The following GSK3A variants were observed in gnomAD, a reference collection of about 807,000 sequenced individuals.
GSK3A encodes glycogen synthase kinase 3 alpha, also known as glycogen synthase kinase-3 alpha.
A neutral mutation model predicts 56.6 loss-of-function variants in GSK3A; 14 were observed. That is an observed-to-expected ratio of 0.25 (90% CI 0.16 to 0.39). GSK3A has a LOEUF of 0.39. Ranked by LOEUF, GSK3A falls within the 10% of genes least tolerant of loss-of-function variation. The probability of loss-of-function intolerance (pLI) is 1.00; values close to 1 mark genes in which losing one functional copy is unlikely to be tolerated. For synonymous variants in GSK3A, 301 were observed against 285.0 expected, an observed-to-expected ratio of 1.06 and a Z score of -0.56; for missense variants, 450 against 656.0, an observed-to-expected ratio of 0.69 and a Z score of 3.43.
chr19:42,236,592 A>C lies in GSK3A; in HGVS notation c.666+14T>G, dbSNP rs756646521. On this transcript the variant is annotated intron_variant, in intron 4 of 10. Transcript: ENST00000222330. ...TTGTGGGCCTGGGTCCCAGCAGCCC[A>C]CCTGCTGGCCTACCTTGACATAGAG... The C allele has an allele frequency of 4.3e-5, 66 of 1,529,802 alleles. No individual in the cohort carries two copies. Among genetic ancestry groups the C allele is most frequent in the Non-Finnish European group, 5.9e-5 (65 of 1,103,152 alleles). The allele number at this position is 1,529,802 out of a possible 1,614,324, so 94.8% of individuals were successfully genotyped here. A position where few individuals can be genotyped will look rare whatever the true frequency, so the allele number is the denominator to read the frequency against.
intron 1 of GSK3A, 75 bp from the exon 2 acceptor site, chr19:42,240,217 G>A (rs781091592): frequency 3.6e-6 from 5 of 1,381,868 alleles, no homozygotes; most frequent in South Asian, 1.2e-5. Flanking sequence ...GCTGTGGGAG[G>A]AAGGGAAATC....
intron 2 of GSK3A, 68 bp downstream of exon 2, chr19:42,239,887 T>C (rs1197999614): frequency 1.5e-6 from 2 of 1,333,256 alleles, no homozygotes; most frequent in Admixed American, 3.6e-5. Flanking sequence ...TCCAGCTCTC[T>C]GGCTCAGGTT....
intron 1 of GSK3A, chr19:42,240,509 C>A: frequency 2.3e-6 from 1 of 425,694 alleles, no homozygotes; most frequent in Non-Finnish European, 4.2e-6. Context: ...TCTGGCCCCT[C>A]CTATTTGGAG....
In GSK3A at chr19:42,231,917, A is replaced by G. The variant is rs1389091604; in HGVS notation, c.1378+140T>C. The G allele has an allele frequency of 5.2e-6, 3 of 578,454 alleles. No individual in the cohort carries two copies. The East Asian group carries it at 9.4e-5, about 18-fold the overall frequency. The allele number at this position is 578,454 out of a possible 1,614,324, so 35.8% of individuals were successfully genotyped here. A position where few individuals can be genotyped will look rare whatever the true frequency, so the allele number is the denominator to read the frequency against. On this transcript the variant is annotated intron_variant, in intron 10 of 10. Transcript: ENST00000222330. ...ATACCCTCTAAAGGTGGTCATTCACATGTTGTAAGATGTGTTTCCTATGCC... is the reference window on the plus strand; with the variant it reads ...ATACCCTCTAAAGGTGGTCATTCACGTGTTGTAAGATGTGTTTCCTATGCC...
rs2036216122 is a variant in GSK3A, at chr19:42,230,516, T to A, written c.*278A>T. The A allele has an allele frequency of 2.3e-6, 1 of 438,390 alleles. No homozygotes were observed. Among genetic ancestry groups the A allele is most frequent in the Admixed American group, 4.2e-5 (1 of 23,778 alleles). 27.2% of individuals were successfully genotyped at this position (438,390 alleles called of 1,614,324 possible). On this transcript the variant is annotated 3_prime_UTR_variant, in exon 11 of 11. Transcript: ENST00000222330. ...GGAGGGGGTCTGGAGGAGGTGGAGGTCTGGGGGAGGGGAGGGGGCCAAGGG... is the reference window on the plus strand; with the variant it reads ...GGAGGGGGTCTGGAGGAGGTGGAGGACTGGGGGAGGGGAGGGGGCCAAGGG...
Position 42,242,553 on chromosome 19 carries a change from G to T in GSK3A, c.-88C>A, listed in dbSNP as rs1451004418. On this transcript the variant is annotated 5_prime_UTR_variant, in exon 1 of 11. Transcript: ENST00000222330. ...CTGCCGCCGCCTCCCCCGGGCCCTG[G>T]CCTCTTCCAGGCCGCGCCGCTCTGG... 3 of 937,696 alleles carry T rather than the reference G, an allele frequency of 3.2e-6. No individual in the cohort carries two copies. The highest frequency in any genetic ancestry group is 1.0e-4 in the East Asian group (1 of 9,888). The allele number at this position is 937,696 out of a possible 1,614,324, so 58.1% of individuals were successfully genotyped here.
At chr19:42,242,017 G>T (rs1424067320) in intron 1 of GSK3A, 166 bp downstream of exon 1, 4 of 484,128 alleles carry the variant, frequency 8.3e-6, no homozygotes, top group Non-Finnish European at 1.3e-5. Context: ...CCAAGAGATG[G>T]TAACCCCAAG....
intron 1 of GSK3A, 93 bp from the exon 2 acceptor site, chr19:42,240,235 G>A (rs769994482): frequency 2.8e-5 from 34 of 1,199,584 alleles, no homozygotes; most frequent in Middle Eastern, 3.9e-4. Context: ...ATCTCTGCAG[G>A]AAGCTCGTTG....
At chr19:42,233,838 C>T (rs533619931) in intron 6 of GSK3A, among the ~76,000 whole-genome samples, 1 of 152,288 alleles carries the variant, frequency 6.6e-6, no homozygotes, top group African/African-American at 2.4e-5. Context: ...AGCACGAGTT[C>T]ATACCTAAGG....
At chr19:42,237,492 C>T (rs941808219) in intron 2 of GSK3A, among the ~76,000 whole-genome samples, 4 of 151,786 alleles carry the variant, frequency 2.6e-5, no homozygotes, top group Admixed American at 2.0e-4. Flanking sequence ...CCAGCCACCC[C>T]ACTTAAAAAA....
intron 10 of GSK3A, among the ~76,000 whole-genome samples, chr19:42,231,764 T>C (rs1438762284): frequency 6.7e-6 from 1 of 149,566 alleles, no homozygotes; most frequent in African/African-American, 2.5e-5. Flanking sequence ...CGAGTGAAAC[T>C]CTATTGCACA....
chr19:42,242,129 G>C, intron 1 of GSK3A, 54 bp downstream of exon 1: 6 of 1,279,120 alleles, frequency 4.7e-6, no homozygotes, highest in Non-Finnish European at 5.0e-6. Flanking sequence ...ATGGATGTCT[G>C]AGGAGCTTTG....
In GSK3A at chr19:42,234,698, G is replaced by A; in HGVS notation, c.667-20C>T. On this transcript the variant is annotated intron_variant, in intron 4 of 10. Transcript: ENST00000222330. The surrounding 1 kb of genome is among the most constrained non-coding windows in gnomAD (Gnocchi z 5.7). ...GTACACCTGCGGCGGGCACAGGATA[G>A]CAGAACTTTAGCCCAGCTTTCCCCA... The A allele has an allele frequency of 3.2e-6, 5 of 1,546,436 alleles. No homozygotes were observed. The South Asian group carries it at 4.8e-5, about 15-fold the overall frequency.
At chr19:42,232,829 C>A in intron 8 of GSK3A, 147 bp from the exon 9 acceptor site, 1 of 681,280 alleles carries the variant, frequency 1.5e-6, no homozygotes. Context: ...AAGGCCCAAC[C>A]ACTAAGGAGA....
intron 6 of GSK3A, 84 bp from the exon 7 acceptor site, chr19:42,233,467 A>T: frequency 1.1e-6 from 1 of 899,126 alleles, no homozygotes. Flanking sequence ...GGCCATCCTA[A>T]GAGTGTCAGG....
At position 42,240,097 on chromosome 19, in the gene GSK3A, C is replaced by T. The variant is rs1285630690; in HGVS notation, c.329G>A (p.Gly110Asp). ...VTTVVATLGQ[G>D]PERSQEVAYT... ...AGCCACTTCTTGGGAGCGCTCTGGG[C>T]CTTGGCCTAGAGTGGCTACGACTGT... The change falls in exon 2 of 11, where the codon GGC becomes GAC. Residue 110 changes from glycine (G) to aspartate (D), a missense_variant. Physicochemically the swap from Gly to Asp is moderately conservative, Grantham distance 94 (BLOSUM62 -1). Around this residue, in one of 3 missense-constraint regions of GSK3A, gnomAD observed 193 missense variants for 200.5 expected, o/e 0.96. Transcript: ENST00000222330. 6.2e-6 allele frequency: 10 copies of T among 1,614,088 alleles called. No individual in the cohort carries two copies. Among genetic ancestry groups the T allele is most frequent in the African/African-American group, 1.3e-5 (1 of 74,924 alleles).
At chr19:42,233,438 C>T (rs1353815728) in intron 6 of GSK3A, 55 bp from the exon 7 acceptor site, 2 of 1,163,520 alleles carry the variant, frequency 1.7e-6, no homozygotes, top group East Asian at 5.1e-5. Context: ...ACCAACCTCC[C>T]AATGCTTTTA....
chr19:42,240,030 G>A lies in GSK3A; in HGVS notation c.396C>T (p.Val132=), dbSNP rs768769997. ...IKVIGNGSFG[V]VYQARLAETR... ...TCTCTGCCAGCCGTGCCTGGTACAC[G>A]ACCCCAAATGAGCCATTGCCAATCA... Residue 132 remains valine (V), a synonymous_variant, in exon 2 of 11, where the codon GTC becomes GTT. Transcript: ENST00000222330. 3.3e-5 allele frequency: 53 copies of A among 1,614,108 alleles called. No individual in the cohort carries two copies. The highest frequency in any genetic ancestry group is 1.6e-4 in the Middle Eastern group (1 of 6,062).
Position 42,232,479 on chromosome 19 carries a change from C to G in GSK3A, c.1285+17G>C. 4 of 1,613,192 alleles carry G rather than the reference C, an allele frequency of 2.5e-6. No individual in the cohort carries two copies. The highest frequency in any genetic ancestry group is 3.4e-6 in the Non-Finnish European group (4 of 1,179,400). ...CCTACCCCGCCCCACTCCCCAGATC[C>G]CAGGCTATGCCCTCACCACCAGCAC... On this transcript the variant is annotated intron_variant, in intron 9 of 10. Coordinates refer to ENST00000222330, the MANE Select transcript of GSK3A (RefSeq NM_019884.3).
Sources: allele counts gnomAD v4.1 joint callset (sites outside exome capture counted in the v4.1 genomes callset), GRCh38; gene constraint gnomAD v4.1.1; regional missense constraint gnomAD v4.1.1; non-coding constraint Gnocchi (gnomAD v3.1); transcripts MANE v1.5; gene names NCBI Gene and HGNC (gene_info 2026-07-23, HGNC 2026-07-21).